EEF2K: variants seen among roughly 807,000 people sequenced by gnomAD.
The protein encoded by EEF2K is eukaryotic elongation factor 2 kinase, also known as alternative protein EEF2K.
A neutral mutation model predicts 93.8 loss-of-function variants in EEF2K; 70 were observed. The observed-to-expected ratio is 0.75, with a 90% CI of 0.62 to 0.91. The LOEUF is 0.91. Among genes scored for constraint, EEF2K ranks in the 40% least tolerant of loss-of-function variants. The pLI, the probability that EEF2K is intolerant of heterozygous loss-of-function variation, is 0.00. For synonymous variants in EEF2K, 376 were observed against 380.8 expected, an observed-to-expected ratio of 0.99 and a Z score of 0.15; for missense variants, 935 against 972.9, an observed-to-expected ratio of 0.96 and a Z score of 0.52.
At position 22,285,110 on chromosome 16, in the gene EEF2K, C is replaced by T. The variant is rs1187364124; in HGVS notation, c.*1114C>T. 6.6e-6 allele frequency: 1 copy of T among 152,604 alleles called. No homozygotes were observed. Among genetic ancestry groups the T allele is most frequent in the Non-Finnish European group, 1.5e-5 (1 of 68,046 alleles). 9.5% of individuals were successfully genotyped at this position (152,604 alleles called of 1,614,324 possible). Reference sequence around the variant, plus strand: ...GTGTGGAAGAGGGTGCACCTCAAAGCTTTTACACGTAAGGACAGCGGCTTG... The same window carrying T: ...GTGTGGAAGAGGGTGCACCTCAAAGTTTTTACACGTAAGGACAGCGGCTTG... On this transcript the variant is annotated 3_prime_UTR_variant, in exon 18 of 18. Coordinates refer to ENST00000263026, the MANE Select transcript of EEF2K (RefSeq NM_013302.5).
At chr16:22,283,449 G>C (rs1161142776) in intron 17 of EEF2K, among the ~76,000 whole-genome samples, 1 of 151,970 alleles carries the variant, frequency 6.6e-6, no homozygotes, top group South Asian at 2.1e-4. Context: ...ACCTGACCTA[G>C]CTGACATGAA....
intron 10 of EEF2K, 148 bp from the exon 11 acceptor site, chr16:22,260,314 A>T: frequency 1.4e-6 from 1 of 731,676 alleles, no homozygotes; most frequent in East Asian, 2.5e-5. Context: ...GGTGCTGATA[A>T]CATTCTTCTC....
intron 1 of EEF2K, among the ~76,000 whole-genome samples, chr16:22,219,585 A>G (rs921516115): frequency 6.6e-6 from 1 of 152,196 alleles, no homozygotes; most frequent in Non-Finnish European, 1.5e-5. Flanking sequence ...CTCTGATTGC[A>G]CAATTTTACT....
At position 22,286,329 on chromosome 16, in the gene EEF2K, TCAAG is replaced by T. The variant is rs552209225; in HGVS notation, c.*2335_*2338del. ...AAGTTGACTTATCTCTTCACAGTAA[TCAAG>T]CCTCACGTAATTCATGCTTTTTAAA... On this transcript the variant is annotated 3_prime_UTR_variant, in exon 18 of 18. Coordinates refer to ENST00000263026, the MANE Select transcript of EEF2K (RefSeq NM_013302.5). The T allele has an allele frequency of 3.2e-4, 48 of 152,330 alleles. No homozygotes were observed. The highest frequency in any genetic ancestry group is 1.1e-3 in the African/African-American group (46 of 41,578). 9.4% of individuals were successfully genotyped at this position (152,330 alleles called of 1,614,324 possible).
chr16:22,255,209 TCA>T (rs921648881), intron 6 of EEF2K, among the ~76,000 whole-genome samples: 19 of 152,170 alleles, frequency 1.2e-4, no homozygotes, highest in Admixed American at 2.6e-4. Context: ...GTTCCCAAAT[TCA>T]CAGTTTTACT....
intron 12 of EEF2K, 35 bp from the exon 13 acceptor site, chr16:22,264,783 C>T (rs751331090): frequency 5.0e-6 from 8 of 1,611,250 alleles, no homozygotes; most frequent in East Asian, 2.2e-5. Flanking sequence ...AGAAGCTTGT[C>T]GCTTTGGATC....
At chr16:22,247,285 C>CA (rs575381523) in intron 3 of EEF2K, among the ~76,000 whole-genome samples, 1,577 of 142,814 alleles carry the variant, frequency 0.011, 7 homozygotes, top group South Asian at 0.021. Context: ...TACAAAAATA[C>CA]AAAAAAAAAA....
rs1598154637 is a variant in EEF2K at position 22,206,592 on chromosome 16, C to T, written c.-164C>T. On this transcript the variant is annotated 5_prime_UTR_variant, in exon 1 of 18. Coordinates refer to ENST00000263026, the MANE Select transcript of EEF2K (RefSeq NM_013302.5). ...TCGGGGGGCCCGCCCGCCCTGCACC[C>T]TGGAGCTCCGGGCCGCGAGCCTCTG... 6.6e-6 allele frequency: 1 copy of T among 152,312 alleles called. No individual in the cohort carries two copies. The highest frequency in any genetic ancestry group is 6.5e-5 in the Admixed American group (1 of 15,276). The allele number at this position is 152,312 out of a possible 1,614,324, so 9.4% of individuals were successfully genotyped here. A position where few individuals can be genotyped will look rare whatever the true frequency, so the allele number is the denominator to read the frequency against.
At chr16:22,247,545 C>T (rs1349433604) in intron 3 of EEF2K, among the ~76,000 whole-genome samples, 1 of 152,034 alleles carries the variant, frequency 6.6e-6, no homozygotes, top group Non-Finnish European at 1.5e-5. Context: ...AGGGGTCCTA[C>T]TCCATACACA....
chr16:22,275,702 G>A lies in EEF2K; in HGVS notation c.1889+1952G>A, dbSNP rs1395023861. Among the ~76,000 whole-genome samples, 4 of 151,276 alleles carry A rather than the reference G, an allele frequency of 2.6e-5. No individual in the cohort carries two copies. In the East Asian group the frequency reaches 5.8e-4, roughly 22 times the overall value. ...GTATCCCAGGCTGGAGTGCAATGGC[G>A]CGATCTCGGCTCACTGCAATCTCCA... is the stretch of plus-strand genomic sequence containing the variant. On this transcript the variant is annotated intron_variant, in intron 16 of 17. Coordinates refer to ENST00000263026, the MANE Select transcript of EEF2K (RefSeq NM_013302.5).
chr16:22,226,455 A>G (rs1163066040), intron 2 of EEF2K, among the ~76,000 whole-genome samples: 1 of 149,014 alleles, frequency 6.7e-6, no homozygotes, highest in African/African-American at 2.5e-5. Context: ...ATGGCAATAG[A>G]AAATCCCCAA....
chr16:22,213,985 T>A (rs998541349), intron 1 of EEF2K, among the ~76,000 whole-genome samples: 5 of 152,338 alleles, frequency 3.3e-5, no homozygotes, highest in Middle Eastern at 3.4e-3. Flanking sequence ...GATTAGGATG[T>A]AGCCATCTTA....
intron 17 of EEF2K, 53 bp from the exon 18 acceptor site, chr16:22,283,834 G>A: frequency 6.5e-7 from 1 of 1,533,994 alleles, no homozygotes; most frequent in Non-Finnish European, 8.8e-7. Flanking sequence ...ACACTGGGCT[G>A]GCAAAAACAA....
chr16:22,228,931 T>C (rs17841291), intron 2 of EEF2K, among the ~76,000 whole-genome samples: 7,324 of 152,272 alleles, frequency 0.048, 601 homozygotes, highest in African/African-American at 0.17. Context: ...TAACCTATAC[T>C]TAATGTTAAC....
At chr16:22,210,074 C>T (rs1206141819) in intron 1 of EEF2K, among the ~76,000 whole-genome samples, 2 of 152,324 alleles carry the variant, frequency 1.3e-5, no homozygotes, top group Admixed American at 6.5e-5. Context: ...GGATCACAGG[C>T]ATGAGCCGTG....
At chr16:22,263,261 C>G in intron 12 of EEF2K, 74 bp downstream of exon 12, 1 of 1,403,146 alleles carries the variant, frequency 7.1e-7, no homozygotes, top group Non-Finnish European at 9.7e-7. Context: ...GAAAACTCCC[C>G]TTCCTGGAGG....
chr16:22,267,982 G>A (rs1280378556), intron 15 of EEF2K, among the ~76,000 whole-genome samples: 4 of 152,218 alleles, frequency 2.6e-5, no homozygotes, highest in South Asian at 2.1e-4. Context: ...GTGGGCCAAC[G>A]TTGCGCATGG....
chr16:22,217,794 T>G (rs1034188083), intron 1 of EEF2K, among the ~76,000 whole-genome samples: 19 of 152,282 alleles, frequency 1.2e-4, no homozygotes, highest in Middle Eastern at 3.4e-3. Flanking sequence ...AAAACCTATC[T>G]GTAACTAGCT....
intron 12 of EEF2K, 33 bp downstream of exon 12, chr16:22,263,220 A>G: frequency 6.3e-7 from 1 of 1,588,274 alleles, no homozygotes; most frequent in Non-Finnish European, 8.6e-7. Context: ...GACCGGTGTC[A>G]CCTGTTGCCT....
Sources: gnomAD v4.1 joint callset for allele counts (sites outside exome capture counted in the v4.1 genomes callset) on GRCh38, gnomAD v4.1.1 for gene constraint, MANE v1.5 for transcripts, NCBI Gene and HGNC (gene_info 2026-07-23, HGNC 2026-07-21) for gene names.